The following IL10RB variants were observed in gnomAD, a reference collection of about 807,000 sequenced individuals.
The protein encoded by IL10RB is interleukin-10 receptor subunit beta.
Under a neutral mutation model 38.7 loss-of-function variants are expected in IL10RB, and 30 were observed. The ratio of observed to expected loss-of-function variants is 0.78; its 90% CI spans 0.58 to 1.05. The LOEUF (loss-of-function observed/expected upper bound fraction) is 1.05, where lower values mean the gene tolerates loss of function less well. Among genes scored for constraint, IL10RB ranks in the 50% least tolerant of loss-of-function variants. The pLI, the probability that IL10RB is intolerant of heterozygous loss-of-function variation, is 0.00. For synonymous variants in IL10RB, 142 were observed against 145.9 expected (o/e 0.97, Z 0.19); for missense variants, 328 against 397.1 (o/e 0.83, Z 1.48).
rs1988943619 is a variant in IL10RB at position 33,266,458 on chromosome 21, G to A, written c.-8G>A. On this transcript the variant is annotated 5_prime_UTR_variant, in exon 1 of 7. Coordinates refer to ENST00000290200, the MANE Select transcript of IL10RB (RefSeq NM_000628.5). ...TGGAGGAAGCCGCGGAACCCCCAGC[G>A]TCCGTCCATGGCGTGGAGCCTTGGG... is the stretch of plus-strand genomic sequence containing the variant. 1 of 1,541,476 alleles carries A rather than the reference G, an allele frequency of 6.5e-7. No homozygotes were observed. The highest frequency in any genetic ancestry group is 1.2e-5 in the South Asian group (1 of 83,964).
At chr21:33,270,078 A>T (rs1036899808) in intron 2 of IL10RB, among the ~76,000 whole-genome samples, 7 of 152,236 alleles carry the variant, frequency 4.6e-5, no homozygotes, top group African/African-American at 1.7e-4. Flanking sequence ...CTTACATCAC[A>T]TAGTACAGTG....
At chr21:33,289,142 G>T (rs528222652) in intron 6 of IL10RB, among the ~76,000 whole-genome samples, 44 of 152,334 alleles carry the variant, frequency 2.9e-4, no homozygotes, top group African/African-American at 1.0e-3. Flanking sequence ...CTCCACATTG[G>T]CCATGCGCTG....
chr21:33,305,321 G>C (rs1447053796), intron 1 of IL10RB, among the ~76,000 whole-genome samples: 2 of 151,988 alleles, frequency 1.3e-5, no homozygotes, highest in African/African-American at 4.8e-5. Flanking sequence ...TGTTGCCCAG[G>C]TAGGTCTCAA....
intron 5 of IL10RB, among the ~76,000 whole-genome samples, chr21:33,285,148 C>T (rs960086449): frequency 3.3e-5 from 5 of 152,200 alleles, no homozygotes; most frequent in Non-Finnish European, 7.3e-5. Context: ...ACCTCAGCCT[C>T]CCAAAGTGCT....
intron 4 of IL10RB, among the ~76,000 whole-genome samples, chr21:33,281,090 G>A (rs559753404): frequency 6.6e-6 from 1 of 152,336 alleles, no homozygotes; most frequent in East Asian, 1.9e-4. Context: ...AAGGCAAAGG[G>A]CAAGGATGTA....
chr21:33,291,917 C>G (rs2123599149), intron 6 of IL10RB, among the ~76,000 whole-genome samples: 1 of 152,326 alleles, frequency 6.6e-6, no homozygotes, highest in South Asian at 2.1e-4. Flanking sequence ...CACGCGCAGC[C>G]TCCATCCCTG....
chr21:33,278,938 C>A (rs969546201), intron 3 of IL10RB, among the ~76,000 whole-genome samples: 1 of 152,218 alleles, frequency 6.6e-6, no homozygotes, highest in African/African-American at 2.4e-5. Flanking sequence ...ATTTATGAAT[C>A]ATTCTATAGT....
rs1699075110 is a variant in IL10RB, at chr21:33,296,603, G to A, written c.*246G>A. ...ATGATGTTTTCAGAAGTTGGCCACT[G>A]AGAGTGTAATTTTCAGCCTTTTATA... is the stretch of plus-strand genomic sequence containing the variant. On this transcript the variant is annotated 3_prime_UTR_variant, in exon 7 of 7. Transcript: ENST00000290200. 3.1e-6 allele frequency: 2 copies of A among 645,544 alleles called. No homozygotes were observed. Among genetic ancestry groups the A allele is most frequent in the South Asian group, 3.0e-5 (2 of 66,200 alleles). The allele number at this position is 645,544 out of a possible 1,614,324, so 40.0% of individuals were successfully genotyped here. A position where few individuals can be genotyped will look rare whatever the true frequency, so the allele number is the denominator to read the frequency against.
Position 33,306,609 on chromosome 21 carries a change from T to C in IL10RB, c.130-2367T>C, listed in dbSNP as rs191873013. ...GTGCAGTGGTGCGATCATGGCTCAC[T>C]GCAGCCTGGACCCCACTGGGACCCA... On this transcript the variant is annotated intron_variant, in intron 1 of 1. Transcript: ENST00000609556. Among the ~76,000 whole-genome samples, 302 of 152,242 alleles carry C rather than the reference T, an allele frequency of 2.0e-3. 1 individual carries two copies. The highest frequency in any genetic ancestry group is 6.8e-3 in the African/African-American group (284 of 41,538).
intron 5 of IL10RB, among the ~76,000 whole-genome samples, 154 bp downstream of exon 5, chr21:33,283,395 G>C (rs943813370): frequency 5.3e-5 from 8 of 152,192 alleles, no homozygotes; most frequent in Non-Finnish European, 7.4e-5. Context: ...TTCATGCTAG[G>C]AAGGAGACCA....
chr21:33,286,860 AAAAT>A (rs1253051058), intron 5 of IL10RB, among the ~76,000 whole-genome samples: 2 of 152,310 alleles, frequency 1.3e-5, no homozygotes, highest in Admixed American at 6.5e-5. Flanking sequence ...CTCAAAAATG[AAAAT>A]AAATAAAAGG....
intron 5 of IL10RB, 68 bp from the exon 6 acceptor site, chr21:33,288,035 TA>T: frequency 6.9e-7 from 1 of 1,449,082 alleles, no homozygotes; most frequent in South Asian, 1.1e-5. Context: ...TTGTGATGGT[TA>T]AAATGCTCTT....
Position 33,296,333 on chromosome 21 carries a change from G to C in IL10RB, c.954G>C (p.Pro318=). 6.2e-7 allele frequency: 1 copy of C among 1,613,802 alleles called. No homozygotes were observed. The highest frequency in any genetic ancestry group is 8.5e-7 in the Non-Finnish European group (1 of 1,179,990). The change falls in exon 7 of 7, where the codon CCG becomes CCC. Residue 318 remains proline (P), a synonymous_variant. Transcript: ENST00000290200. ...NPGDSCSLGT[P]PGQGPQS The stretch of plus-strand genomic sequence containing the variant: ...GTGACAGCTGCAGCCTCGGGACCCC[G>C]CCTGGGCAGGGGCCCCAAAGCTAGG...
At position 33,279,936 on chromosome 21, in the gene IL10RB, C is replaced by T. The variant is rs1443669072; in HGVS notation, c.498+18C>T. ...ATGAAAAGGTAAGGTTGGCTAATTGCATTTCAGAGGTAGTAGGCTTTCATA... is the reference window on the plus strand; with the variant it reads ...ATGAAAAGGTAAGGTTGGCTAATTGTATTTCAGAGGTAGTAGGCTTTCATA... On this transcript the variant is annotated intron_variant, in intron 4 of 6. Coordinates refer to ENST00000290200, the MANE Select transcript of IL10RB (RefSeq NM_000628.5). 3 of 1,607,762 alleles carry T rather than the reference C, an allele frequency of 1.9e-6. No individual in the cohort carries two copies. Among genetic ancestry groups the T allele is most frequent in the Non-Finnish European group, 2.6e-6 (3 of 1,174,714 alleles).
At chr21:33,280,007 C>T in intron 4 of IL10RB, 89 bp downstream of exon 4, 2 of 1,171,920 alleles carry the variant, frequency 1.7e-6, no homozygotes, top group Non-Finnish European at 2.6e-6. Flanking sequence ...TGGACTGGTC[C>T]TCTGTAAGCC....
In IL10RB at chr21:33,283,104, C is replaced by T; in HGVS notation, c.509C>T (p.Thr170Ile). The change falls in exon 5 of 7, where the codon ACT becomes ATT. Residue 170 changes from threonine (T) to isoleucine (I), a missense_variant. Thr to Ile is a moderately conservative substitution (Grantham distance 89, BLOSUM62 -1). Transcript: ENST00000290200. Reference protein sequence around the residue: ...KNGTDEKFQITPQYDFEVLRN... With the variant: ...KNGTDEKFQIIPQYDFEVLRN... ...TGTCTCCATTACTAGTTTCAAATTA[C>T]TCCCCAGTATGACTTTGAGGTCCTC... 3 of 1,612,578 alleles carry T rather than the reference C, an allele frequency of 1.9e-6. No homozygotes were observed. Among genetic ancestry groups the T allele is most frequent in the East Asian group, 2.2e-5 (1 of 44,874 alleles).
At position 33,288,377 on chromosome 21, in the gene IL10RB, G is replaced by A. The variant is rs1044751614; in HGVS notation, c.804+116G>A. 1,251 of 719,298 alleles carry A rather than the reference G, an allele frequency of 1.7e-3. 4 individuals are homozygous for A. The highest frequency in any genetic ancestry group is 0.014 in the East Asian group (541 of 37,728). 44.6% of individuals were successfully genotyped at this position (719,298 alleles called of 1,614,324 possible). A position where few individuals can be genotyped will look rare whatever the true frequency, so the allele number is the denominator to read the frequency against. On this transcript the variant is annotated intron_variant, in intron 6 of 6. Coordinates refer to ENST00000290200, the MANE Select transcript of IL10RB (RefSeq NM_000628.5). ...GTTTTCCAGGAAAACACACACGCGC[G>A]CGCGCACACACACACACACACACAC... is the stretch of plus-strand genomic sequence containing the variant.
At chr21:33,301,229 G>A (rs2082985068), downstream of IL10RB, among the ~76,000 whole-genome samples, 1 of 152,114 alleles carries the variant, frequency 6.6e-6, no homozygotes, top group Non-Finnish European at 1.5e-5. Context: ...TTATGAACTA[G>A]AGACTCAGAG....
intron 5 of IL10RB, among the ~76,000 whole-genome samples, chr21:33,286,317 G>T (rs1429710234): frequency 6.6e-6 from 1 of 152,180 alleles, no homozygotes; most frequent in Non-Finnish European, 1.5e-5. Flanking sequence ...ATCTTCATGG[G>T]CAGTGTTTGT....
Sources: allele counts gnomAD v4.1 joint callset (sites outside exome capture counted in the v4.1 genomes callset), GRCh38; gene constraint gnomAD v4.1.1; transcripts MANE v1.5; gene names NCBI Gene and HGNC (gene_info 2026-07-23, HGNC 2026-07-21).